Variants in DLG2 observed in about 807,000 individuals in gnomAD.
DLG2 encodes the protein disks large homolog 2.
A neutral mutation model predicts 132.5 loss-of-function variants in DLG2; 45 were observed. That is an observed-to-expected ratio of 0.34 (90% CI 0.27 to 0.44). The LOEUF is 0.44. Among genes scored for constraint, DLG2 ranks in the 20% least tolerant of loss-of-function variants. The pLI, the probability that DLG2 is intolerant of heterozygous loss-of-function variation, is 1.00. For synonymous variants in DLG2, 424 were observed against 419.6 expected, an observed-to-expected ratio of 1.01 and a Z score of -0.13; for missense variants, 1,045 against 1,196.9, an observed-to-expected ratio of 0.87 and a Z score of 1.87.
At position 83,781,485 on chromosome 11, in the gene DLG2, T is replaced by C. The variant is rs192686161; in HGVS notation, c.1825+5205A>G. Among the ~76,000 whole-genome samples the C allele has an allele frequency of 4.1e-4, 62 of 152,324 alleles. 1 individual carries two copies. The highest frequency in any genetic ancestry group is 1.5e-3 in the African/African-American group (61 of 41,570). ...ACACTTATGAGTCTCCAGGCAATTA[T>C]CAACTCTGCTTTTTGGGCTTTTCTT... is the stretch of plus-strand genomic sequence containing the variant. On this transcript the variant is annotated intron_variant, in intron 18 of 27. Coordinates refer to ENST00000376104, the MANE Select transcript of DLG2 (RefSeq NM_001142699.3).
At chr11:84,766,371 T>G (rs958762736) in intron 6 of DLG2, among the ~76,000 whole-genome samples, 1 of 152,038 alleles carries the variant, frequency 6.6e-6, no homozygotes, top group African/African-American at 2.4e-5. Context: ...TATTTGAAAT[T>G]TTCATGAGTA....
At position 83,980,550 on chromosome 11, in the gene DLG2, C is replaced by T. The variant is rs1433424587; in HGVS notation, c.1012G>A (p.Ala338Thr). The T allele has an allele frequency of 6.2e-7, 1 of 1,613,728 alleles. No homozygotes were observed. Among genetic ancestry groups the T allele is most frequent in the East Asian group, 2.2e-5 (1 of 44,860 alleles). ...ACTTGCAACCTTCCATCTTTTTGTG[C>T]AGCTCCTCCATCTATAATTTTAGTT... is the stretch of plus-strand genomic sequence containing the variant. ...YVTKIIDGGAAQKDGRLQVGD... is the reference protein window; with the variant it reads ...YVTKIIDGGATQKDGRLQVGD... The change falls in exon 12 of 28, where the codon GCA (alanine) becomes ACA (threonine). Residue 338 changes from alanine to threonine, a missense_variant. Coordinates refer to ENST00000376104, the MANE Select transcript of DLG2 (RefSeq NM_001142699.3).
chr11:83,506,028 T>C (rs996274315), intron 21 of DLG2, among the ~76,000 whole-genome samples: 1 of 152,178 alleles, frequency 6.6e-6, no homozygotes, highest in African/African-American at 2.4e-5. Flanking sequence ...ATCATGTATA[T>C]ACCACTTCCA....
chr11:85,175,666 T>C (rs982721067), intron 4 of DLG2, among the ~76,000 whole-genome samples: 2 of 152,100 alleles, frequency 1.3e-5, no homozygotes, highest in African/African-American at 4.8e-5. Flanking sequence ...AGAGAGAAAG[T>C]CAAATTATCT....
intron 6 of DLG2, among the ~76,000 whole-genome samples, chr11:84,672,187 C>G (rs989431797): frequency 6.6e-6 from 1 of 152,038 alleles, no homozygotes; most frequent in Non-Finnish European, 1.5e-5. Context: ...TAAGACTAAA[C>G]GGAGGATGCT....
At chr11:84,812,349 T>C (rs2076651520) in intron 6 of DLG2, among the ~76,000 whole-genome samples, 1 of 152,156 alleles carries the variant, frequency 6.6e-6, no homozygotes, top group Admixed American at 6.5e-5. Flanking sequence ...CTGTGTGGAT[T>C]GATGCCTGGT....
intron 14 of DLG2, among the ~76,000 whole-genome samples, chr11:83,941,642 C>T (rs1234097477): frequency 1.3e-5 from 2 of 152,144 alleles, no homozygotes; most frequent in Non-Finnish European, 2.9e-5. Context: ...GATCCGCCGG[C>T]CTCAGCCTCC....
chr11:85,446,300 C>G (rs2092006370), intron 3 of DLG2, among the ~76,000 whole-genome samples: 1 of 152,114 alleles, frequency 6.6e-6, no homozygotes, highest in Non-Finnish European at 1.5e-5. Context: ...AGAATAAGCC[C>G]TATCAATTAG....
intron 2 of DLG2, among the ~76,000 whole-genome samples, chr11:85,608,562 C>T (rs917274694): frequency 6.6e-6 from 1 of 152,090 alleles, no homozygotes; most frequent in Non-Finnish European, 1.5e-5. Flanking sequence ...CATATCCTAG[C>T]CTCCCTACAG....
chr11:85,483,617 A>C (rs1165738436), intron 3 of DLG2, among the ~76,000 whole-genome samples: 2 of 152,228 alleles, frequency 1.3e-5, no homozygotes, highest in African/African-American at 4.8e-5. Context: ...TAAATCACTT[A>C]TAACTTTAGT....
chr11:84,942,902 AC>A (rs34681561), intron 6 of DLG2, among the ~76,000 whole-genome samples: 1 of 152,038 alleles, frequency 6.6e-6, no homozygotes, highest in African/African-American at 2.4e-5. Context: ...TGGGTGCTCC[AC>A]TGTTAGGTGC....
intron 3 of DLG2, among the ~76,000 whole-genome samples, chr11:85,338,866 G>A (rs1565345246): frequency 1.3e-5 from 2 of 151,840 alleles, no homozygotes; most frequent in South Asian, 4.2e-4. Context: ...CACCGTGCCC[G>A]GCTAATCTTT....
At chr11:84,848,356 T>C (rs1291539991) in intron 6 of DLG2, among the ~76,000 whole-genome samples, 1 of 151,936 alleles carries the variant, frequency 6.6e-6, no homozygotes, top group African/African-American at 2.4e-5. Flanking sequence ...TAGCCAGGCA[T>C]GGTGGTGCAT....
intron 4 of DLG2, among the ~76,000 whole-genome samples, chr11:85,285,013 A>T (rs1488330670): frequency 1.3e-5 from 2 of 151,968 alleles, no homozygotes; most frequent in African/African-American, 4.8e-5. Flanking sequence ...CCACTCAAAA[A>T]ATATAAAGAA....
intron 3 of DLG2, among the ~76,000 whole-genome samples, chr11:85,505,717 A>G (rs574543370): frequency 1.6e-4 from 24 of 152,174 alleles, no homozygotes; most frequent in African/African-American, 4.6e-4. Context: ...TTGGTATCAG[A>G]ACGATGCTGG....
At chr11:84,021,388 C>G (rs2095388414) in intron 11 of DLG2, among the ~76,000 whole-genome samples, 1 of 152,094 alleles carries the variant, frequency 6.6e-6, no homozygotes, top group African/African-American at 2.4e-5. Flanking sequence ...GTTATAAGCC[C>G]TTTCTCCCCA....
intron 7 of DLG2, among the ~76,000 whole-genome samples, chr11:84,436,755 G>C (rs1188336875): frequency 1.3e-5 from 2 of 152,140 alleles, no homozygotes; most frequent in African/African-American, 4.8e-5. Context: ...AGATTCTCTG[G>C]AAATGACTGG....
intron 3 of DLG2, among the ~76,000 whole-genome samples, chr11:85,463,601 T>A (rs2092685249): frequency 6.6e-6 from 1 of 152,104 alleles, no homozygotes; most frequent in Non-Finnish European, 1.5e-5. Context: ...CTACATAGTC[T>A]ATAAAAAAAT....
intron 18 of DLG2, among the ~76,000 whole-genome samples, chr11:83,780,596 C>T (rs1439943675): frequency 8.5e-5 from 13 of 152,180 alleles, no homozygotes; most frequent in African/African-American, 3.1e-4. Flanking sequence ...TGCTTCTAAA[C>T]TCACTTGCTG....
Sources: gnomAD v4.1 joint callset for allele counts (sites outside exome capture counted in the v4.1 genomes callset) on GRCh38, gnomAD v4.1.1 for gene constraint, MANE v1.5 for transcripts, NCBI Gene and HGNC (gene_info 2026-07-23, HGNC 2026-07-21) for gene names.